The following TTC21B variants were observed in gnomAD, a reference collection of about 807,000 sequenced individuals.
TTC21B encodes tetratricopeptide repeat protein 21B.
A neutral mutation model predicts 175.1 loss-of-function variants in TTC21B; 127 were observed. That is an observed-to-expected ratio of 0.73 (90% CI 0.63 to 0.84). The LOEUF (loss-of-function observed/expected upper bound fraction) is 0.84. Ranked by LOEUF, TTC21B falls within the 40% of genes least tolerant of loss-of-function variation. TTC21B has a pLI of 0.00. For synonymous variants in TTC21B, 524 were observed against 524.5 expected, an observed-to-expected ratio of 1.00 and a Z score of 0.01; for missense variants, 1,561 against 1,558.3, an observed-to-expected ratio of 1.00 and a Z score of -0.03.
intron 19 of TTC21B, among the ~76,000 whole-genome samples, chr2:165,907,345 A>T (rs190062993): frequency 4.6e-5 from 7 of 152,246 alleles, no homozygotes; most frequent in African/African-American, 1.7e-4. Context: ...AGAACCACAA[A>T]ATATTAAGAG....
chr2:165,890,876 C>G lies in TTC21B; in HGVS notation c.3063G>C (p.Leu1021Phe). The G allele has an allele frequency of 1.2e-6, 2 of 1,613,270 alleles. No individual in the cohort carries two copies. The highest frequency in any genetic ancestry group is 2.7e-5 in the African/African-American group (2 of 74,920). ...CTTTACAATACTGAAATCCTGGTTCCAATTTTGCTCTGGAGTTACGTTTCT... is the reference window on the plus strand; with the variant it reads ...CTTTACAATACTGAAATCCTGGTTCGAATTTTGCTCTGGAGTTACGTTTCT... ...MAEKRNSRAK[L>F]EPGFQYCKGL... Residue 1021 changes from leucine to phenylalanine, a missense_variant, in exon 23 of 29, where the codon TTG (leucine) becomes TTC (phenylalanine). Coordinates refer to ENST00000243344, the MANE Select transcript of TTC21B (RefSeq NM_024753.5).
At position 165,953,729 on chromosome 2, in the gene TTC21B, G is replaced by A. The variant is rs554218980; in HGVS notation, c.-24C>T. On this transcript the variant is annotated 5_prime_UTR_variant, in exon 1 of 29. Coordinates refer to ENST00000243344, the MANE Select transcript of TTC21B (RefSeq NM_024753.5). Reference sequence around the variant, plus strand: ...ATGGCTGCCCCGAGGCCGGGCCGCGGGGCTCTGGGGATTGTCTCGCCGCAG... The same window carrying A: ...ATGGCTGCCCCGAGGCCGGGCCGCGAGGCTCTGGGGATTGTCTCGCCGCAG... The A allele has an allele frequency of 4.4e-4, 686 of 1,546,450 alleles. 1 individual carries two copies. Among genetic ancestry groups the A allele is most frequent in the South Asian group, 2.3e-3 (195 of 83,986 alleles).
intron 22 of TTC21B, 64 bp downstream of exon 22, chr2:165,898,622 C>T: frequency 1.8e-6 from 2 of 1,126,208 alleles, no homozygotes; most frequent in Non-Finnish European, 2.7e-6. Flanking sequence ...AACCACTAAA[C>T]AGAAGAAAAA....
Position 165,947,704 on chromosome 2 carries a change from G to A in TTC21B, c.262+1690C>T, listed in dbSNP as rs1387349556. On this transcript the variant is annotated intron_variant, in intron 3 of 28. Coordinates refer to ENST00000243344, the MANE Select transcript of TTC21B (RefSeq NM_024753.5). The stretch of plus-strand genomic sequence containing the variant: ...TTGAAAGATCGCAGCCTTTTTATAA[G>A]CAGGGTTTATTTACATCAGCATCCT... 2.0e-5 allele frequency: 3 copies of A among 152,094 alleles called. No homozygotes were observed. In the East Asian group the frequency reaches 5.8e-4, roughly 29 times the overall value. The allele number at this position is 152,094 out of a possible 1,614,324, so 9.4% of individuals were successfully genotyped here. A position where few individuals can be genotyped will look rare whatever the true frequency, so the allele number is the denominator to read the frequency against.
intron 25 of TTC21B, among the ~76,000 whole-genome samples, chr2:165,886,808 G>T (rs577794813): frequency 3.3e-5 from 5 of 152,266 alleles, no homozygotes; most frequent in Non-Finnish European, 7.4e-5. Flanking sequence ...GCATTCAGTA[G>T]CTATGGCACC....
chr2:165,899,977 G>T, intron 20 of TTC21B, 97 bp from the exon 21 acceptor site: 13 of 385,186 alleles, frequency 3.4e-5, no homozygotes, highest in Non-Finnish European at 5.1e-5. Context: ...TTGACCAAAA[G>T]TCATTGCAAT....
rs375445763 is a variant in TTC21B at position 165,929,788 on chromosome 2, A to G, written c.1088-41T>C. ...AGAAAGACAGTCAAAGTCCACACCA[A>G]TTCAGGGATGCACTCTTCAAGCTAA... is the stretch of plus-strand genomic sequence containing the variant. On this transcript the variant is annotated intron_variant, in intron 9 of 28. Coordinates refer to ENST00000243344, the MANE Select transcript of TTC21B (RefSeq NM_024753.5). 3.2e-5 allele frequency: 42 copies of G among 1,305,870 alleles called. No homozygotes were observed. In the African/African-American group the frequency reaches 3.9e-4, roughly 12 times the overall value. 80.9% of individuals were successfully genotyped at this position (1,305,870 alleles called of 1,614,324 possible). A position where few individuals can be genotyped will look rare whatever the true frequency, so the allele number is the denominator to read the frequency against.
Position 165,941,088 on chromosome 2 carries a change from TAAC to T in TTC21B, c.646_648del (p.Val216del). Reference sequence around the variant, plus strand: ...AAGGCTAGTTGTAATTTCATTTTCTTAACAAAAGCAGGAAGGAAGCTCGGAAAA... The same window carrying T: ...AAGGCTAGTTGTAATTTCATTTTCTTAAAAGCAGGAAGGAAGCTCGGAAAA... On this transcript the variant is annotated inframe_deletion, in exon 6 of 29. Coordinates refer to ENST00000243344, the MANE Select transcript of TTC21B (RefSeq NM_024753.5). The T allele has an allele frequency of 6.2e-7, 1 of 1,613,920 alleles. No homozygotes were observed. Among genetic ancestry groups the T allele is most frequent in the Admixed American group, 1.7e-5 (1 of 59,974 alleles).
intron 25 of TTC21B, among the ~76,000 whole-genome samples, chr2:165,887,569 C>T (rs1361272935): frequency 2.0e-5 from 3 of 151,936 alleles, no homozygotes; most frequent in Non-Finnish European, 4.4e-5. Context: ...CGCTTATAAT[C>T]CCACATACTT....
chr2:165,913,635 T>C lies in TTC21B; in HGVS notation c.2150A>G (p.Glu717Gly), dbSNP rs573629569. The C allele has an allele frequency of 6.2e-7, 1 of 1,612,628 alleles. No individual in the cohort carries two copies. The highest frequency in any genetic ancestry group is 1.7e-5 in the Admixed American group (1 of 60,006). Residue 717 changes from glutamate to glycine, a missense_variant, in exon 16 of 29, where the codon GAA becomes GGA. By Grantham distance (98) the Glu-to-Gly change is moderately conservative (BLOSUM62 -2). Coordinates refer to ENST00000243344, the MANE Select transcript of TTC21B (RefSeq NM_024753.5). ...AAAAGACCGAGGGTTAGCCATTCTT[T>C]CAGCAATTTCTCTGGAAATCAGACC... The part of the protein sequence containing the change: ...LYITCFREIA[E>G]RMANPRSFLL...
intron 17 of TTC21B, 105 bp downstream of exon 17, chr2:165,912,409 A>G (rs1042093285): frequency 1.1e-6 from 1 of 869,680 alleles, no homozygotes; most frequent in Non-Finnish European, 2.0e-6. Context: ...ACAGATTTGG[A>G]GTTTACAACC....
intron 22 of TTC21B, 59 bp downstream of exon 22, chr2:165,898,627 G>C (rs1308846152): frequency 8.5e-7 from 1 of 1,178,284 alleles, no homozygotes; most frequent in Admixed American, 1.7e-5. Context: ...CTAAACAGAA[G>C]AAAAAAGGAG....
At position 165,929,670 on chromosome 2, in the gene TTC21B, G is replaced by A. The variant is rs1388668789; in HGVS notation, c.1165C>T (p.Gln389Ter). 6.2e-7 allele frequency: 1 copy of A among 1,611,888 alleles called. No homozygotes were observed. The highest frequency in any genetic ancestry group is 1.1e-5 in the South Asian group (1 of 91,042). ...QQLEFLNEIQ[Q>*]SIGKSAELIY... is the part of the protein sequence containing the mutation. ...TGTACCGCAGATTTTCCAATGGATT[G>A]CTGGATTTCATTTAAAAATTCTAGC... is the stretch of plus-strand genomic sequence containing the variant. The change falls in exon 10 of 29, where the codon CAA becomes TAA. Residue 389 changes from glutamine (Q) to a stop codon, truncating the protein, a stop_gained. Coordinates refer to ENST00000243344, the MANE Select transcript of TTC21B (RefSeq NM_024753.5). LOFTEE classifies it high-confidence loss of function.
At chr2:165,876,959 T>A (rs1684682580) in intron 27 of TTC21B, among the ~76,000 whole-genome samples, 1 of 152,194 alleles carries the variant, frequency 6.6e-6, no homozygotes, top group Non-Finnish European at 1.5e-5. Flanking sequence ...GAAGGCAGAT[T>A]AGTCATCAAT....
intron 15 of TTC21B, among the ~76,000 whole-genome samples, chr2:165,914,556 A>C (rs1686072523): frequency 6.6e-6 from 1 of 152,088 alleles, no homozygotes; most frequent in Non-Finnish European, 1.5e-5. Context: ...CTTCATCAAC[A>C]GTTTACTATG....
intron 25 of TTC21B, among the ~76,000 whole-genome samples, chr2:165,887,404 T>C (rs1685029132): frequency 3.5e-4 from 1 of 2,886 alleles, no homozygotes; most frequent in Non-Finnish European, 6.5e-4. Flanking sequence ...AAGTGCTGTG[T>C]GAGGGAAGGA....
In TTC21B at chr2:165,888,267, A is replaced by T. The variant is rs759303095; in HGVS notation, c.3459+12T>A. ...AGATACCACATGAAGCTGAAAAAGGAAATCCACTAACCTCAGATGCTGCTA... is the reference window on the plus strand; with the variant it reads ...AGATACCACATGAAGCTGAAAAAGGTAATCCACTAACCTCAGATGCTGCTA... On this transcript the variant is annotated intron_variant, in intron 25 of 28. Transcript: ENST00000243344. 6.3e-7 allele frequency: 1 copy of T among 1,599,988 alleles called. No individual in the cohort carries two copies. The highest frequency in any genetic ancestry group is 1.1e-5 in the South Asian group (1 of 90,798).
intron 4 of TTC21B, among the ~76,000 whole-genome samples, chr2:165,943,909 G>C (rs142850386): frequency 3.9e-5 from 6 of 152,100 alleles, no homozygotes; most frequent in African/African-American, 1.4e-4. Flanking sequence ...GGGCCGATGG[G>C]TTGTAAGACA....
chr2:165,881,846 A>G (rs1467209515), intron 26 of TTC21B, among the ~76,000 whole-genome samples: 3 of 152,162 alleles, frequency 2.0e-5, no homozygotes, highest in Non-Finnish European at 4.4e-5. Context: ...TTTAAGACTG[A>G]ACATTTTATT....
Sources: gnomAD v4.1 joint callset for allele counts (sites outside exome capture counted in the v4.1 genomes callset) on GRCh38, gnomAD v4.1.1 for gene constraint, MANE v1.5 for transcripts, NCBI Gene and HGNC (gene_info 2026-07-23, HGNC 2026-07-21) for gene names.